TTF1: variants seen among roughly 807,000 people sequenced by gnomAD.
The protein encoded by TTF1 is transcription termination factor 1.
Under a neutral mutation model 80.2 loss-of-function variants are expected in TTF1, and 64 were observed. The ratio of observed to expected loss-of-function variants is 0.80; its 90% CI spans 0.65 to 0.98. TTF1 has a LOEUF of 0.98. Among genes scored for constraint, TTF1 ranks in the 50% least tolerant of loss-of-function variants. The probability of loss-of-function intolerance (pLI) is 0.00; values close to 1 mark genes in which losing one functional copy is unlikely to be tolerated. For synonymous variants in TTF1, 372 were observed against 382.7 expected, an observed-to-expected ratio of 0.97 and a Z score of 0.33; for missense variants, 1,023 against 1,086.2, an observed-to-expected ratio of 0.94 and a Z score of 0.82.
chr9:132,388,323 GAACC>G (rs751899952), intron 7 of TTF1, 95 bp from the exon 8 acceptor site: 1 of 808,116 alleles, frequency 1.2e-6, no homozygotes, highest in Non-Finnish European at 1.9e-6. Context: ...CTCTCATTCA[GAACC>G]AACTTCTAAC....
chr9:132,384,574 A>G lies in TTF1; in HGVS notation c.2378+1982T>C, dbSNP rs545805225. Among the ~76,000 whole-genome samples, 1 of 152,338 alleles carries G rather than the reference A, an allele frequency of 6.6e-6. No homozygotes were observed. The highest frequency in any genetic ancestry group is 2.4e-5 in the African/African-American group (1 of 41,576). The stretch of plus-strand genomic sequence containing the variant: ...TTTGCATAAACCATCTACGGAAAAT[A>G]GATACTGGTTTCCTGTAGGGCTACG... On this transcript the variant is annotated intron_variant, in intron 9 of 10. Coordinates refer to ENST00000334270, the MANE Select transcript of TTF1 (RefSeq NM_007344.4). This position sits in a 1 kb window ranked among gnomAD's most constrained non-coding sequence, Gnocchi z 4.1.
At chr9:132,404,641 T>G (rs1849829960) in intron 1 of TTF1, among the ~76,000 whole-genome samples, 1 of 152,078 alleles carries the variant, frequency 6.6e-6, no homozygotes, top group African/African-American at 2.4e-5. Context: ...TAAAGTCTCA[T>G]CCAGCTGTTC....
intron 9 of TTF1, among the ~76,000 whole-genome samples, chr9:132,379,865 A>C (rs528936784): frequency 6.6e-6 from 1 of 152,242 alleles, no homozygotes; most frequent in African/African-American, 2.4e-5. Flanking sequence ...AAAAACCACT[A>C]AACTTTTTGG....
At chr9:132,406,324 G>A (rs963783198) in intron 1 of TTF1, among the ~76,000 whole-genome samples, 3 of 152,250 alleles carry the variant, frequency 2.0e-5, no homozygotes, top group South Asian at 2.1e-4. Context: ...AGCCGCGGCC[G>A]GGCGCGGTGG....
intron 1 of TTF1, among the ~76,000 whole-genome samples, 184 bp from the exon 2 acceptor site, chr9:132,403,012 C>T (rs770510110): frequency 6.6e-6 from 1 of 152,150 alleles, no homozygotes; most frequent in Non-Finnish European, 1.5e-5. Flanking sequence ...CCCACCAGCA[C>T]GCCCAGCTAA....
intron 5 of TTF1, among the ~76,000 whole-genome samples, chr9:132,394,723 T>C (rs1849615972): frequency 6.6e-6 from 1 of 151,244 alleles, no homozygotes; most frequent in South Asian, 2.1e-4. Context: ...TGAAAGCTCA[T>C]CTCCACTAAA....
intron 10 of TTF1, among the ~76,000 whole-genome samples, chr9:132,378,733 CATGTGGTGTGGTG>C (rs1849312116): frequency 6.6e-6 from 1 of 151,590 alleles, no homozygotes; most frequent in Non-Finnish European, 1.5e-5. Flanking sequence ...TGAGTGCTTG[CATGTGGTGTGGTG>C]CACGGGCATG....
rs1380960150 is a variant in TTF1 at position 132,390,498 on chromosome 9, ACACGT to A, written c.2222+94_2222+98del. 7.7e-6 allele frequency: 9 copies of A among 1,171,118 alleles called. No homozygotes were observed. In the Admixed American group the frequency reaches 1.7e-4, roughly 23 times the overall value. 72.5% of individuals were successfully genotyped at this position (1,171,118 alleles called of 1,614,324 possible). The stretch of plus-strand genomic sequence containing the variant: ...AGCAGACTAGACACGATTGTTCTTG[ACACGT>A]CAGCTTCCCCACGGCAGTTACACAG... On this transcript the variant is annotated intron_variant, in intron 7 of 10. Coordinates refer to ENST00000334270, the MANE Select transcript of TTF1 (RefSeq NM_007344.4).
intron 2 of TTF1, among the ~76,000 whole-genome samples, chr9:132,400,710 CAA>C (rs1849745075): frequency 6.6e-6 from 1 of 152,190 alleles, no homozygotes; most frequent in Admixed American, 6.5e-5. Context: ...CTGTGATTTT[CAA>C]ACTTTTTACT....
chr9:132,390,272 G>A (rs1413684166), intron 7 of TTF1, among the ~76,000 whole-genome samples: 7 of 152,186 alleles, frequency 4.6e-5, no homozygotes, highest in Admixed American at 1.3e-4. Flanking sequence ...GAGCCACTGC[G>A]CGTGGCCCCT....
chr9:132,399,071 C>T (rs961570356), intron 3 of TTF1, among the ~76,000 whole-genome samples: 3 of 151,674 alleles, frequency 2.0e-5, no homozygotes, highest in East Asian at 1.9e-4. Flanking sequence ...TGGTGGCAGG[C>T]GCCTGTAGTC....
At chr9:132,379,687 G>T (rs1293455267) in intron 9 of TTF1, among the ~76,000 whole-genome samples, 1 of 152,112 alleles carries the variant, frequency 6.6e-6, no homozygotes, top group African/African-American at 2.4e-5. Context: ...ATTACACTCA[G>T]GACACATACA....
intron 4 of TTF1, among the ~76,000 whole-genome samples, 156 bp downstream of exon 4, chr9:132,397,985 C>CAAA (rs749084307): frequency 1.5e-5 from 2 of 129,862 alleles, no homozygotes; most frequent in Non-Finnish European, 3.3e-5. Context: ...GACTCCGTCT[C>CAAA]AAAAAAAAAA....
chr9:132,388,724 T>G (rs747390630), intron 7 of TTF1, among the ~76,000 whole-genome samples: 2 of 152,184 alleles, frequency 1.3e-5, no homozygotes, highest in African/African-American at 2.4e-5. Context: ...TAAGACAAAT[T>G]TAGTAAAGTG....
At position 132,383,088 on chromosome 9, in the gene TTF1, T is replaced by TA. The variant is rs1192303225; in HGVS notation, c.2378+3467dup. Among the ~76,000 whole-genome samples the TA allele has an allele frequency of 6.5e-3, 950 of 146,550 alleles. 13 individuals are homozygous for TA. The highest frequency in any genetic ancestry group is 0.023 in the African/African-American group (893 of 39,290). On this transcript the variant is annotated intron_variant, in intron 9 of 10. Transcript: ENST00000334270. ...CTCAAAAAAAAAAAAATTAACTAAT[T>TA]AAAAAAAAAACTAGCCAGGCAGGGT... is the stretch of plus-strand genomic sequence containing the variant.
rs1223971200 is a variant in TTF1 at position 132,402,579 on chromosome 9, G to A, written c.243C>T (p.Ser81=). The A allele has an allele frequency of 6.2e-7, 1 of 1,614,108 alleles. No individual in the cohort carries two copies. ...RICDETANAT[S]TLKKRKKRRY... ...TTCTCTTTTTTCTCTTTTTGAGTGT[G>A]GAAGTGGCATTTGCAGTCTCATCAC... The change falls in exon 2 of 11, where the codon TCC becomes TCT. Residue 81 remains serine, a synonymous_variant. Coordinates refer to ENST00000334270, the MANE Select transcript of TTF1 (RefSeq NM_007344.4).
intron 9 of TTF1, among the ~76,000 whole-genome samples, chr9:132,381,008 C>T (rs1320532679): frequency 6.6e-6 from 1 of 151,940 alleles, no homozygotes; most frequent in Admixed American, 6.6e-5. Flanking sequence ...GGCTCCCAGG[C>T]TCAAGCGATC....
intron 2 of TTF1, among the ~76,000 whole-genome samples, chr9:132,400,698 G>A (rs899157012): frequency 1.3e-5 from 2 of 152,176 alleles, no homozygotes; most frequent in African/African-American, 4.8e-5. Flanking sequence ...AGTTGACTCA[G>A]TCTGTGATTT....
chr9:132,386,091 T>C (rs1296279095), intron 9 of TTF1, among the ~76,000 whole-genome samples: 1 of 152,184 alleles, frequency 6.6e-6, no homozygotes, highest in Non-Finnish European at 1.5e-5. Flanking sequence ...GTACCTATAA[T>C]ATCACCTCCA....
Sources: allele counts gnomAD v4.1 joint callset (sites outside exome capture counted in the v4.1 genomes callset), GRCh38; gene constraint gnomAD v4.1.1; non-coding constraint Gnocchi (gnomAD v3.1); transcripts MANE v1.5; gene names NCBI Gene and HGNC (gene_info 2026-07-23, HGNC 2026-07-21).